The following LDB2 variants were observed in gnomAD, a reference collection of about 807,000 sequenced individuals.
The protein encoded by LDB2 is LIM domain-binding protein 2.
LDB2 carries 12 observed loss-of-function variants against 44.3 expected under a neutral mutation model. The ratio of observed to expected loss-of-function variants is 0.27; its 90% CI spans 0.17 to 0.44. The LOEUF is 0.44. LDB2 is among the 20% of genes least tolerant of loss of function. The pLI is 1.00. For synonymous variants in LDB2, 164 were observed against 174.8 expected (o/e 0.94, Z 0.49); for missense variants, 344 against 473.5 (o/e 0.73, Z 2.54).
intron 1 of LDB2, among the ~76,000 whole-genome samples, chr4:16,794,135 G>A (rs1776291153): frequency 6.6e-6 from 1 of 152,048 alleles, no homozygotes; most frequent in African/African-American, 2.4e-5. Context: ...GCTTACTAAC[G>A]ACCTTAAAGC....
intron 1 of LDB2, among the ~76,000 whole-genome samples, chr4:16,766,381 C>CAT (rs1482873633): frequency 1.3e-5 from 2 of 150,470 alleles, no homozygotes; most frequent in African/African-American, 4.9e-5. Flanking sequence ...TATATATACA[C>CAT]ATATATATGT....
At chr4:16,708,867 G>A (rs1051212458) in intron 2 of LDB2, among the ~76,000 whole-genome samples, 5 of 152,080 alleles carry the variant, frequency 3.3e-5, no homozygotes, top group African/African-American at 1.2e-4. Context: ...GCAACACATT[G>A]GCTTTTATTG....
intron 1 of LDB2, among the ~76,000 whole-genome samples, chr4:16,891,090 T>A (rs1208023810): frequency 6.6e-6 from 1 of 152,176 alleles, no homozygotes; most frequent in African/African-American, 2.4e-5. Flanking sequence ...TTTTGGTTAT[T>A]GTTTCCACCA....
At chr4:16,702,897 C>T (rs923322267) in intron 2 of LDB2, among the ~76,000 whole-genome samples, 8 of 152,200 alleles carry the variant, frequency 5.3e-5, no homozygotes, top group African/African-American at 1.7e-4. Flanking sequence ...TGCCTATGTA[C>T]TCTCTCTACC....
chr4:16,838,190 T>A (rs547328830), intron 1 of LDB2, among the ~76,000 whole-genome samples: 1 of 152,276 alleles, frequency 6.6e-6, no homozygotes, highest in South Asian at 2.1e-4. Context: ...GACATGGAAA[T>A]ATATGAGCTA....
intron 5 of LDB2, among the ~76,000 whole-genome samples, chr4:16,522,188 G>C (rs902972759): frequency 2.0e-5 from 3 of 152,090 alleles, no homozygotes; most frequent in Admixed American, 6.6e-5. Context: ...TACCAAGAGG[G>C]GGGCAGGGGT....
At chr4:16,768,016 C>A (rs1158810207) in intron 1 of LDB2, among the ~76,000 whole-genome samples, 1 of 152,194 alleles carries the variant, frequency 6.6e-6, no homozygotes, top group Non-Finnish European at 1.5e-5. Flanking sequence ...GGTGCCAGGG[C>A]TGCCCCTCGG....
intron 2 of LDB2, among the ~76,000 whole-genome samples, chr4:16,723,035 G>A (rs1426558350): frequency 2.0e-5 from 3 of 152,252 alleles, no homozygotes; most frequent in African/African-American, 7.2e-5. Flanking sequence ...CTTATGATGG[G>A]TTTTCCGGAT....
intron 5 of LDB2, among the ~76,000 whole-genome samples, chr4:16,516,691 CTT>C (rs1723867143): frequency 6.6e-6 from 1 of 152,152 alleles, no homozygotes; most frequent in Non-Finnish European, 1.5e-5. Context: ...AGCTCATTGT[CTT>C]TTCCTTTTTT....
At chr4:16,600,983 T>C (rs1722428405) in intron 2 of LDB2, among the ~76,000 whole-genome samples, 2 of 151,858 alleles carry the variant, frequency 1.3e-5, no homozygotes, top group African/African-American at 2.4e-5. Flanking sequence ...AATTATGAAA[T>C]GCATTAAAAA....
At chr4:16,694,988 C>A (rs1751758792) in intron 2 of LDB2, among the ~76,000 whole-genome samples, 1 of 152,196 alleles carries the variant, frequency 6.6e-6, no homozygotes, top group African/African-American at 2.4e-5. Flanking sequence ...TGTGTACTTA[C>A]CTTTCCTTCT....
chr4:16,569,173 G>A (rs1745541144), intron 5 of LDB2, among the ~76,000 whole-genome samples: 1 of 152,192 alleles, frequency 6.6e-6, no homozygotes, highest in Non-Finnish European at 1.5e-5. Context: ...GCGAAAGTTG[G>A]AAGAGGAAGG....
chr4:16,759,839 G>A (rs978715883), intron 1 of LDB2, among the ~76,000 whole-genome samples: 6 of 152,190 alleles, frequency 3.9e-5, no homozygotes, highest in Admixed American at 3.3e-4. Flanking sequence ...ATTGTTTTAA[G>A]AGGACAGGCA....
intron 2 of LDB2, among the ~76,000 whole-genome samples, chr4:16,672,854 TTCCTC>T (rs1745235624): frequency 6.7e-6 from 1 of 148,432 alleles, no homozygotes; most frequent in Admixed American, 6.7e-5. Flanking sequence ...CTTCCTTCCT[TTCCTC>T]CCTCCCTCTC....
At chr4:16,819,182 G>A (rs1781498775) in intron 1 of LDB2, among the ~76,000 whole-genome samples, 1 of 151,978 alleles carries the variant, frequency 6.6e-6, no homozygotes, top group South Asian at 2.1e-4. Flanking sequence ...ATAGAAAAGT[G>A]TGAAGGCCAC....
Position 16,553,775 on chromosome 4 carries a change from G to A in LDB2, c.615+32147C>T, listed in dbSNP as rs138899540. 2.4e-4 allele frequency among the ~76,000 whole-genome samples: 36 copies of A among 152,262 alleles called. 2 individuals are homozygous for A. The highest frequency in any genetic ancestry group is 8.2e-4 in the African/African-American group (34 of 41,530). On this transcript the variant is annotated intron_variant, in intron 5 of 7. Transcript: ENST00000304523. Reference sequence around the variant, plus strand: ...AAGAGTTTTGTTCTAAGCCCTTTGTGTGAAGTAGCTTAAATATTCCTCATA... The same window carrying A: ...AAGAGTTTTGTTCTAAGCCCTTTGTATGAAGTAGCTTAAATATTCCTCATA...
At chr4:16,741,797 T>C (rs1763305131) in intron 2 of LDB2, among the ~76,000 whole-genome samples, 1 of 152,198 alleles carries the variant, frequency 6.6e-6, no homozygotes, top group South Asian at 2.1e-4. Flanking sequence ...AAAGCACTTA[T>C]CAAAACTAAA....
intron 2 of LDB2, among the ~76,000 whole-genome samples, chr4:16,615,201 C>T (rs1423751658): frequency 6.6e-6 from 1 of 151,862 alleles, no homozygotes; most frequent in Non-Finnish European, 1.5e-5. Context: ...TTTAGCAATT[C>T]CTCAAGGATC....
Position 16,841,703 on chromosome 4 carries a change from G to A in LDB2, c.132+56651C>T, listed in dbSNP as rs115630112. Among the ~76,000 whole-genome samples, 710 of 152,200 alleles carry A rather than the reference G, an allele frequency of 4.7e-3. 4 individuals are homozygous for A. The highest frequency in any genetic ancestry group is 0.016 in the African/African-American group (669 of 41,520). ...CAAAATGTTTTGTAAACTATAAGCC[G>A]TACACAAATATCAGTTGTTGTGCTG... On this transcript the variant is annotated intron_variant, in intron 1 of 7. Coordinates refer to ENST00000304523, the MANE Select transcript of LDB2 (RefSeq NM_001290.5).
Sources: allele counts gnomAD v4.1 joint callset (sites outside exome capture counted in the v4.1 genomes callset), GRCh38; gene constraint gnomAD v4.1.1; transcripts MANE v1.5; gene names NCBI Gene and HGNC (gene_info 2026-07-23, HGNC 2026-07-21).